ZNF283: variants seen among roughly 807,000 people sequenced by gnomAD.
The protein encoded by ZNF283 is zinc finger protein 41.
A neutral mutation model predicts 9.2 loss-of-function variants in ZNF283; 10 were observed. The observed-to-expected ratio is 1.09, with a 90% CI of 0.67 to 1.85. ZNF283 has a LOEUF of 1.85. Ranked by LOEUF, ZNF283 falls within the 40% of genes most tolerant of loss-of-function variation. The pLI is 0.00. For missense variants in ZNF283, 631 were observed against 760.1 expected (o/e 0.83, Z 2.00); for synonymous variants, 234 against 244.1 (o/e 0.96, Z 0.38).
chr19:43,844,684 T>C (rs1471300232), intron 6 of ZNF283, among the ~76,000 whole-genome samples: 2 of 152,186 alleles, frequency 1.3e-5, no homozygotes, highest in Admixed American at 6.5e-5. Flanking sequence ...TCATCCATCA[T>C]TTAATAGCTC....
chr19:43,840,536 G>T lies in ZNF283; in HGVS notation c.337+3357G>T, dbSNP rs183459451. Among the ~76,000 whole-genome samples, 54 of 152,246 alleles carry T rather than the reference G, an allele frequency of 3.5e-4. No individual in the cohort carries two copies. In the East Asian group the frequency reaches 7.5e-3, roughly 21 times the overall value. ...CATAGGCCTGTCATCCCATAGCATT[G>T]GCTGGACTGAGAAATGGGGGATGGT... On this transcript the variant is annotated intron_variant, in intron 6 of 6. Coordinates refer to ENST00000618787, the MANE Select transcript of ZNF283 (RefSeq NM_181845.2).
At chr19:43,836,081 A>G (rs551147057) in intron 5 of ZNF283, among the ~76,000 whole-genome samples, 2 of 152,358 alleles carry the variant, frequency 1.3e-5, no homozygotes, top group African/African-American at 4.8e-5. Context: ...AGATGATAAT[A>G]TATTTCCACG....
chr19:43,831,664 T>A (rs1378296102), intron 3 of ZNF283, among the ~76,000 whole-genome samples: 1 of 152,234 alleles, frequency 6.6e-6, no homozygotes, highest in African/African-American at 2.4e-5. Context: ...TTTCTCATTC[T>A]GTCACCCAGG....
In ZNF283 at chr19:43,847,542, C is replaced by T. The variant is rs2195980; in HGVS notation, c.941C>T (p.Thr314Ile). Residue 314 changes from threonine to isoleucine, a missense_variant, in exon 7 of 7, where the codon ACT becomes ATT. Around this residue, in one of 3 missense-constraint regions of ZNF283, gnomAD observed 444 missense variants for 522.5 expected, o/e 0.85. Transcript: ENST00000618787. Reference sequence around the variant, plus strand: ...CTTACCCAACATCAGAAAATTCATACTGGTGTGAAATCTTATAAATGTAAG... The same window carrying T: ...CTTACCCAACATCAGAAAATTCATATTGGTGTGAAATCTTATAAATGTAAG... ...YHLTQHQKIHTGVKSYKCKEC... is the reference protein window; with the variant it reads ...YHLTQHQKIHIGVKSYKCKEC... 0.85 allele frequency: 1,364,177 copies of T among 1,612,808 alleles called. 580,382 individuals carry two copies. The highest frequency in any genetic ancestry group is 0.95 in the African/African-American group (70,670 of 74,642).
At chr19:43,838,510 TC>T (rs1332178348) in intron 6 of ZNF283, among the ~76,000 whole-genome samples, 2 of 152,136 alleles carry the variant, frequency 1.3e-5, no homozygotes, top group African/African-American at 4.8e-5. Context: ...GCTCCTTTAG[TC>T]CCAGCAACTG....
chr19:43,847,177 A>G lies in ZNF283; in HGVS notation c.576A>G (p.Lys192=). ...AAATACCTTCTTACAGAAAAAGTAA[A>G]TCTCTTACTCCACATCAAAGAATTC... The part of the protein sequence containing the change: ...YEKIPSYRKS[K]SLTPHQRIHN... The change falls in exon 7 of 7, where the codon AAA becomes AAG. Residue 192 remains lysine (K), a synonymous_variant. Transcript: ENST00000618787. The G allele has an allele frequency of 6.2e-7, 1 of 1,613,746 alleles. No individual in the cohort carries two copies. Among genetic ancestry groups the G allele is most frequent in the Middle Eastern group, 1.6e-4 (1 of 6,062 alleles).
intron 6 of ZNF283, among the ~76,000 whole-genome samples, chr19:43,842,764 A>G (rs929771148): frequency 6.6e-6 from 1 of 152,188 alleles, no homozygotes; most frequent in African/African-American, 2.4e-5. Context: ...GCCATGGTGA[A>G]TCTTCTCTGC....
chr19:43,836,957 C>A, intron 5 of ZNF283, 96 bp from the exon 6 acceptor site: 1 of 1,348,396 alleles, frequency 7.4e-7, no homozygotes, highest in Non-Finnish European at 1.0e-6. Context: ...TGTTATATTT[C>A]TCCCCCTCTT....
At position 43,851,788 on chromosome 19, in the gene ZNF283, T is replaced by C. The variant is rs1240583387; in HGVS notation, c.*3147T>C. The C allele has an allele frequency of 6.6e-6, 1 of 152,236 alleles. No individual in the cohort carries two copies. Among genetic ancestry groups the C allele is most frequent in the Non-Finnish European group, 1.5e-5 (1 of 68,032 alleles). 9.4% of individuals were successfully genotyped at this position (152,236 alleles called of 1,614,324 possible). A position where few individuals can be genotyped will look rare whatever the true frequency, so the allele number is the denominator to read the frequency against. On this transcript the variant is annotated 3_prime_UTR_variant, in exon 7 of 7. Transcript: ENST00000618787. ...AATGGTTGAACTTTGTTTAAACTGG[T>C]GTATGGCAAACTTCACTGTTGAAAT...
chr19:43,837,547 A>G, intron 6 of ZNF283: 1 of 331,216 alleles, frequency 3.0e-6, no homozygotes, highest in Middle Eastern at 7.8e-4. Context: ...GAGCACTGTC[A>G]ATTGAATCAT....
chr19:43,827,654 AGACG>A (rs1970535553), intron 1 of ZNF283: 2 of 152,460 alleles, frequency 1.3e-5, no homozygotes, highest in African/African-American at 2.4e-5. Flanking sequence ...AGTGTGTCTC[AGACG>A]GCGTGGCAGG....
At chr19:43,844,831 T>C (rs1971346734) in intron 6 of ZNF283, among the ~76,000 whole-genome samples, 1 of 152,174 alleles carries the variant, frequency 6.6e-6, no homozygotes, top group Non-Finnish European at 1.5e-5. Flanking sequence ...ATGGCTCTGG[T>C]TAATTTAATA....
chr19:43,843,335 G>A lies in ZNF283; in HGVS notation c.338-3604G>A, dbSNP rs545046101. 5.3e-5 allele frequency among the ~76,000 whole-genome samples: 8 copies of A among 152,154 alleles called. No homozygotes were observed. The South Asian group carries it at 6.2e-4, about 12-fold the overall frequency. ...CAGCCTGGTGACAAAGTGAGACTAC[G>A]TCCCCACCCCCAAAAAAATTGTGAG... is the stretch of plus-strand genomic sequence containing the variant. On this transcript the variant is annotated intron_variant, in intron 6 of 6. Coordinates refer to ENST00000618787, the MANE Select transcript of ZNF283 (RefSeq NM_181845.2).
At chr19:43,835,243 GA>G (rs776835251) in intron 4 of ZNF283, among the ~76,000 whole-genome samples, 137 of 152,294 alleles carry the variant, frequency 9.0e-4, no homozygotes, top group Admixed American at 2.5e-3. Context: ...TGAGAGGTAG[GA>G]ATGGAAGGAG....
At position 43,850,918 on chromosome 19, in the gene ZNF283, G is replaced by A. The variant is rs981563508; in HGVS notation, c.*2277G>A. The A allele has an allele frequency of 6.6e-6, 1 of 152,180 alleles. No individual in the cohort carries two copies. Among genetic ancestry groups the A allele is most frequent in the African/African-American group, 2.4e-5 (1 of 41,448 alleles). The allele number at this position is 152,180 out of a possible 1,614,324, so 9.4% of individuals were successfully genotyped here. Reference sequence around the variant, plus strand: ...AAAATTATTTCTTTTTGAAAATAATGTCAGTTCCATCAGAACTAATGCATT... The same window carrying A: ...AAAATTATTTCTTTTTGAAAATAATATCAGTTCCATCAGAACTAATGCATT... On this transcript the variant is annotated 3_prime_UTR_variant, in exon 7 of 7. Coordinates refer to ENST00000618787, the MANE Select transcript of ZNF283 (RefSeq NM_181845.2).
At chr19:43,837,425 G>C in intron 6 of ZNF283, 1 of 418,306 alleles carries the variant, frequency 2.4e-6, no homozygotes. Flanking sequence ...TAATGGCCAA[G>C]GGGCTGGATT....
intron 4 of ZNF283, among the ~76,000 whole-genome samples, chr19:43,834,611 T>C (rs1359613582): frequency 6.6e-6 from 1 of 151,938 alleles, no homozygotes; most frequent in Non-Finnish European, 1.5e-5. Context: ...ATTTATTTTT[T>C]TCGAGATGGA....
intron 2 of ZNF283, among the ~76,000 whole-genome samples, chr19:43,828,985 A>T (rs560073565): frequency 6.6e-6 from 1 of 152,328 alleles, no homozygotes; most frequent in African/African-American, 2.4e-5. Context: ...AAGAGTGGGG[A>T]CTTTCAGATA....
intron 5 of ZNF283, among the ~76,000 whole-genome samples, chr19:43,836,576 A>G (rs1421238238): frequency 4.6e-5 from 7 of 152,164 alleles, no homozygotes; most frequent in Non-Finnish European, 8.8e-5. Flanking sequence ...CCTGACCTCA[A>G]GTGATTTGCC....
Sources: allele counts gnomAD v4.1 joint callset (sites outside exome capture counted in the v4.1 genomes callset), GRCh38; gene constraint gnomAD v4.1.1; regional missense constraint gnomAD v4.1.1; transcripts MANE v1.5; gene names NCBI Gene and HGNC (gene_info 2026-07-23, HGNC 2026-07-21).